CREBRF: variants seen among roughly 807,000 people sequenced by gnomAD.
CREBRF encodes the protein UPF0474 protein C5orf41.
In CREBRF, 5 loss-of-function variants were observed where a neutral mutation model predicts 66.1. The ratio of observed to expected loss-of-function variants is 0.08; its 90% CI spans 0.04 to 0.16. The LOEUF (loss-of-function observed/expected upper bound fraction) is 0.16, where lower values mean the gene tolerates loss of function less well. CREBRF is among the 10% of genes least tolerant of loss of function. The pLI is 1.00. For synonymous variants in CREBRF, 229 were observed against 264.4 expected, an observed-to-expected ratio of 0.87 and a Z score of 1.30; for missense variants, 531 against 744.9, an observed-to-expected ratio of 0.71 and a Z score of 3.34.
chr5:173,063,377 A>AC (rs1757337066), intron 1 of CREBRF, among the ~76,000 whole-genome samples: 1 of 151,492 alleles, frequency 6.6e-6, no homozygotes, highest in African/African-American at 2.4e-5. Context: ...CTTCTTCTCT[A>AC]TTTTTTTTGA....
chr5:173,090,787 A>G lies in CREBRF; in HGVS notation c.608A>G (p.Lys203Arg). The G allele has an allele frequency of 1.2e-6, 2 of 1,614,154 alleles. No individual in the cohort carries two copies. Among genetic ancestry groups the G allele is most frequent in the Middle Eastern group, 3.3e-4 (2 of 6,062 alleles). ...AEVPLSDCVQ[K>R]ASKPTSSTQI... ...GTCCCTTTGTCAGACTGTGTCCAAA[A>G]AGCAAGTAAACCCACTTCAAGCACA... The change falls in exon 4 of 9, where the codon AAA becomes AGA. Residue 203 changes from lysine (K) to arginine (R), a missense_variant. By Grantham distance (26) the Lys-to-Arg change is conservative (BLOSUM62 2). This residue lies in a region of CREBRF where 309 missense variants were observed against 341.4 expected (regional missense o/e 0.90). Coordinates refer to ENST00000296953, the MANE Select transcript of CREBRF (RefSeq NM_153607.3). The surrounding 1 kb of genome is among the most constrained non-coding windows in gnomAD (Gnocchi z 4.5).
chr5:173,082,104 C>T (rs1037694984), intron 2 of CREBRF, among the ~76,000 whole-genome samples: 1 of 145,112 alleles, frequency 6.9e-6, no homozygotes, highest in African/African-American at 2.5e-5. Context: ...AGCTCCACCT[C>T]CCGGGTTCAC....
intron 4 of CREBRF, among the ~76,000 whole-genome samples, chr5:173,097,359 C>T (rs377366370): frequency 6.6e-6 from 1 of 152,242 alleles, no homozygotes; most frequent in East Asian, 1.9e-4. Context: ...ATTCTCCTGC[C>T]TCAGCCTCCT....
chr5:173,127,461 CTTT>C (rs70984945), intron 8 of CREBRF, among the ~76,000 whole-genome samples: 18 of 130,766 alleles, frequency 1.4e-4, no homozygotes, highest in Non-Finnish European at 1.8e-4. Flanking sequence ...TTTTTCTTTT[CTTT>C]TTTTTTTTTT....
chr5:173,059,595 G>A (rs1757205697), intron 1 of CREBRF, among the ~76,000 whole-genome samples: 2 of 152,144 alleles, frequency 1.3e-5, no homozygotes, highest in Non-Finnish European at 2.9e-5. Flanking sequence ...GTGGCATTGT[G>A]TTGCTTTTGG....
At chr5:173,065,474 G>T (rs1033376589) in intron 1 of CREBRF, among the ~76,000 whole-genome samples, 5 of 152,066 alleles carry the variant, frequency 3.3e-5, no homozygotes, top group Admixed American at 3.3e-4. Flanking sequence ...TCTGACTTTG[G>T]TTGATTGGTT....
At chr5:173,112,264 TTAAGAA>T in intron 6 of CREBRF, 36 bp from the exon 7 acceptor site, 1 of 1,396,192 alleles carries the variant, frequency 7.2e-7, no homozygotes, top group Non-Finnish European at 9.8e-7. Flanking sequence ...AAAATTAAAA[TTAAGAA>T]AAAGAAAGTG....
At chr5:173,100,916 C>T (rs1758614713) in intron 4 of CREBRF, among the ~76,000 whole-genome samples, 1 of 152,192 alleles carries the variant, frequency 6.6e-6, no homozygotes, top group South Asian at 2.1e-4. Context: ...AACTCCTGAG[C>T]TTAAGCAATC....
At chr5:173,085,814 G>A (rs1419392545) in intron 2 of CREBRF, 2 of 780,204 alleles carry the variant, frequency 2.6e-6, no homozygotes, top group African/African-American at 1.7e-5. Context: ...AGTCTCTGGA[G>A]TGATAGGCTT....
intron 7 of CREBRF, among the ~76,000 whole-genome samples, chr5:173,119,937 G>A (rs1288676752): frequency 6.6e-6 from 1 of 152,108 alleles, no homozygotes; most frequent in African/African-American, 2.4e-5. Flanking sequence ...TGGATGTTAA[G>A]CCAACCTTGC....
chr5:173,073,043 A>G (rs17075560), intron 1 of CREBRF, among the ~76,000 whole-genome samples: 19,989 of 152,262 alleles, frequency 0.13, 2,220 homozygotes, highest in African/African-American at 0.29. Context: ...GGGAGATGGC[A>G]TGTTGTATCT....
At chr5:173,124,911 T>C (rs1281263754) in intron 8 of CREBRF, among the ~76,000 whole-genome samples, 1 of 137,086 alleles carries the variant, frequency 7.3e-6, no homozygotes, top group Non-Finnish European at 1.6e-5. Context: ...TTCTTCTTTC[T>C]TCTTCTTCTT....
rs140098653 is a variant in CREBRF at position 173,116,361 on chromosome 5, C to T, written c.1681+3982C>T. ...TATTTCCATTACCTCCAAAAGATTC[C>T]TAGTGCCCCTTTGTAAGTCATTCTG... On this transcript the variant is annotated intron_variant, in intron 7 of 8. Transcript: ENST00000296953. 1.6e-3 allele frequency among the ~76,000 whole-genome samples: 248 copies of T among 152,276 alleles called. 5 individuals are homozygous for T. The highest frequency in any genetic ancestry group is 0.015 in the Admixed American group (229 of 15,280).
At chr5:173,113,740 T>C (rs943391072) in intron 7 of CREBRF, among the ~76,000 whole-genome samples, 11 of 152,306 alleles carry the variant, frequency 7.2e-5, no homozygotes, top group African/African-American at 2.6e-4. Flanking sequence ...CATCACGGAA[T>C]ATAACAAGAG....
At chr5:173,101,362 G>GT (rs1156677933) in intron 4 of CREBRF, among the ~76,000 whole-genome samples, 7 of 151,602 alleles carry the variant, frequency 4.6e-5, no homozygotes, top group Non-Finnish European at 8.8e-5. Flanking sequence ...CAGCCCAGTG[G>GT]TTTTTTTTCT....
At chr5:173,086,438 T>C in intron 2 of CREBRF, 63 bp from the exon 3 acceptor site, 2 of 1,492,272 alleles carry the variant, frequency 1.3e-6, no homozygotes, top group Non-Finnish European at 1.9e-6. Flanking sequence ...TTGGGGCTCA[T>C]ATGTGATAAA....
chr5:173,123,047 G>T (rs564315887), intron 7 of CREBRF, 33 bp from the exon 8 acceptor site: 12 of 1,556,778 alleles, frequency 7.7e-6, no homozygotes, highest in Non-Finnish European at 9.5e-6. Flanking sequence ...TCATGGTAGT[G>T]ACATATTCCA....
chr5:173,123,487 G>A (rs1759191980), intron 8 of CREBRF: 1 of 298,594 alleles, frequency 3.3e-6, no homozygotes, highest in African/African-American at 2.3e-5. Context: ...AGGTCCCAGA[G>A]CTGTCAAGCC....
In CREBRF at chr5:173,134,265, AAT is replaced by A. The variant is rs748323611; in HGVS notation, c.*544_*545del. ...GTCAGAGCTCAAGATGATATATATA[AAT>A]ATATATATATATATATATATATACA... On this transcript the variant is annotated 3_prime_UTR_variant, in exon 9 of 9. Transcript: ENST00000296953. The A allele has an allele frequency of 0.025, 3,413 of 139,196 alleles. 34 individuals are homozygous for A. The highest frequency in any genetic ancestry group is 0.03 in the Non-Finnish European group (1,948 of 65,308). The allele number at this position is 139,196 out of a possible 1,614,324, so 8.6% of individuals were successfully genotyped here.
Sources: gnomAD v4.1 joint callset for allele counts (sites outside exome capture counted in the v4.1 genomes callset) on GRCh38, gnomAD v4.1.1 for gene constraint, gnomAD v4.1.1 regional missense constraint, Gnocchi (gnomAD v3.1) non-coding constraint, MANE v1.5 for transcripts, NCBI Gene and HGNC (gene_info 2026-07-23, HGNC 2026-07-21) for gene names.